MACROD2: variants seen among roughly 807,000 people sequenced by gnomAD.
The protein encoded by MACROD2 is mono-ADP ribosylhydrolase 2.
In MACROD2, 36 loss-of-function variants were observed where a neutral mutation model predicts 70.4. The observed-to-expected ratio is 0.51, with a 90% CI of 0.39 to 0.68. MACROD2 has a LOEUF of 0.68. MACROD2 is among the 30% of genes least tolerant of loss of function. The pLI, the probability that MACROD2 is intolerant of heterozygous loss-of-function variation, is 0.00. For synonymous variants in MACROD2, 172 were observed against 178.8 expected (o/e 0.96, Z 0.30); for missense variants, 496 against 538.4 (o/e 0.92, Z 0.78).
intron 9 of MACROD2, among the ~76,000 whole-genome samples, chr20:15,877,865 C>T (rs999157569): frequency 6.6e-6 from 1 of 152,080 alleles, no homozygotes; most frequent in Non-Finnish European, 1.5e-5. Flanking sequence ...GCAGGATTAT[C>T]GTAATTGTTC....
chr20:15,008,018 T>A (rs2075053566), intron 5 of MACROD2, among the ~76,000 whole-genome samples: 1 of 152,232 alleles, frequency 6.6e-6, no homozygotes, highest in South Asian at 2.1e-4. Context: ...AGGTGTGGGA[T>A]TGAAGCTGAG....
At chr20:15,908,109 G>C (rs1280932279) in intron 10 of MACROD2, among the ~76,000 whole-genome samples, 2 of 151,770 alleles carry the variant, frequency 1.3e-5, no homozygotes, top group African/African-American at 2.4e-5. Context: ...TAATAGCTAA[G>C]AGTTTTTTGC....
At chr20:15,526,926 T>C (rs939736037) in intron 8 of MACROD2, among the ~76,000 whole-genome samples, 1 of 152,212 alleles carries the variant, frequency 6.6e-6, no homozygotes, top group Non-Finnish European at 1.5e-5. Context: ...TTCATTTATG[T>C]TTTGTTTGTT....
intron 2 of MACROD2, among the ~76,000 whole-genome samples, chr20:14,035,015 A>G (rs2053290832): frequency 6.6e-6 from 1 of 152,126 alleles, no homozygotes; most frequent in Non-Finnish European, 1.5e-5. Context: ...CTTAACCATG[A>G]ATATGATCAT....
At chr20:15,998,719 C>T (rs62194204) in intron 15 of MACROD2, among the ~76,000 whole-genome samples, 11,382 of 151,860 alleles carry the variant, frequency 0.075, 581 homozygotes, top group Non-Finnish European at 0.1. Flanking sequence ...CACCCGCCAC[C>T]AAGCCTGGCT....
intron 4 of MACROD2, among the ~76,000 whole-genome samples, chr20:14,507,789 G>C (rs2084985848): frequency 2.0e-5 from 3 of 152,182 alleles, no homozygotes; most frequent in Admixed American, 2.0e-4. Flanking sequence ...GATACAGTTT[G>C]CTGATGCTGC....
At chr20:14,081,855 G>A (rs1490944150) in intron 2 of MACROD2, among the ~76,000 whole-genome samples, 1 of 152,124 alleles carries the variant, frequency 6.6e-6, no homozygotes, top group East Asian at 1.9e-4. Flanking sequence ...TACTATGTGA[G>A]GAATTGGGCT....
chr20:15,102,673 T>C lies in MACROD2; in HGVS notation c.419-127267T>C, dbSNP rs545526908. Among the ~76,000 whole-genome samples, 5 of 152,252 alleles carry C rather than the reference T, an allele frequency of 3.3e-5. No homozygotes were observed. In the East Asian group the frequency reaches 7.7e-4, roughly 24 times the overall value. ...GAACATGTACATTTATTTTAAAATGTATTGATTTCTGAGAATCATAGTCAA... is the reference window on the plus strand; with the variant it reads ...GAACATGTACATTTATTTTAAAATGCATTGATTTCTGAGAATCATAGTCAA... On this transcript the variant is annotated intron_variant, in intron 5 of 17. Transcript: ENST00000684519.
intron 13 of MACROD2, among the ~76,000 whole-genome samples, chr20:15,971,879 G>T (rs1026210106): frequency 3.3e-5 from 5 of 152,114 alleles, no homozygotes; most frequent in African/African-American, 1.2e-4. Context: ...CACAGGAAAA[G>T]AAAAGTTGAT....
At chr20:15,027,178 A>G (rs911440067) in intron 5 of MACROD2, among the ~76,000 whole-genome samples, 11 of 152,110 alleles carry the variant, frequency 7.2e-5, no homozygotes, top group African/African-American at 2.4e-4. Flanking sequence ...TTTCATCTTT[A>G]TATGTTTAAT....
intron 4 of MACROD2, among the ~76,000 whole-genome samples, chr20:14,558,119 C>T (rs1031106820): frequency 6.6e-6 from 1 of 151,686 alleles, no homozygotes; most frequent in African/African-American, 2.4e-5. Flanking sequence ...TAAAAGACTA[C>T]ATATTGTATG....
At chr20:15,813,926 T>G (rs2063846314) in intron 8 of MACROD2, among the ~76,000 whole-genome samples, 1 of 152,212 alleles carries the variant, frequency 6.6e-6, no homozygotes. Flanking sequence ...TTATTAAAAG[T>G]TTTTGTTTTT....
intron 7 of MACROD2, among the ~76,000 whole-genome samples, chr20:15,458,910 G>A (rs2046771168): frequency 6.6e-6 from 1 of 152,092 alleles, no homozygotes; most frequent in South Asian, 2.1e-4. Context: ...TGTGTGAGCA[G>A]TGGAGAGTCC....
chr20:14,138,769 ACACACACAC>A (rs1280177814), intron 3 of MACROD2, among the ~76,000 whole-genome samples: 6 of 7,688 alleles, frequency 7.8e-4, no homozygotes, highest in African/African-American at 1.9e-3. Flanking sequence ...TTTTCCACAC[ACACACACAC>A]ACACACACAC....
Position 15,545,079 on chromosome 20 carries a change from CAT to C in MACROD2, c.645+45233_645+45234del, listed in dbSNP as rs149683026. Among the ~76,000 whole-genome samples the C allele has an allele frequency of 1.9e-3, 286 of 152,308 alleles. 10 individuals carry two copies. In the East Asian group the frequency reaches 0.048, roughly 26 times the overall value. ...GCTTAACTCCATTTCACATCCCTGA[CAT>C]GTAGCACACACTGCAGTGACTGGGA... On this transcript the variant is annotated intron_variant, in intron 8 of 17. Transcript: ENST00000684519.
intron 8 of MACROD2, among the ~76,000 whole-genome samples, chr20:15,631,538 G>A (rs1296201825): frequency 2.6e-5 from 4 of 152,190 alleles, no homozygotes; most frequent in Non-Finnish European, 5.9e-5. Flanking sequence ...AAGCCTGGGA[G>A]TGAAGCATTT....
chr20:14,496,172 C>T (rs552587493), intron 4 of MACROD2, among the ~76,000 whole-genome samples: 25 of 152,216 alleles, frequency 1.6e-4, no homozygotes, highest in African/African-American at 5.8e-4. Context: ...TGATGTAATT[C>T]TCTTGGATTT....
intron 5 of MACROD2, among the ~76,000 whole-genome samples, chr20:15,126,170 A>C (rs1432467967): frequency 7.0e-6 from 1 of 143,654 alleles, no homozygotes; most frequent in Non-Finnish European, 1.5e-5. Flanking sequence ...ATTTGTGTAC[A>C]AGTTTTTGTA....
At chr20:14,909,321 A>G (rs2073997786) in intron 5 of MACROD2, among the ~76,000 whole-genome samples, 1 of 152,102 alleles carries the variant, frequency 6.6e-6, no homozygotes, top group African/African-American at 2.4e-5. Flanking sequence ...TAAGTGAAAG[A>G]ATGGAGAAGA....
Sources: allele counts gnomAD v4.1 joint callset (sites outside exome capture counted in the v4.1 genomes callset), GRCh38; gene constraint gnomAD v4.1.1; transcripts MANE v1.5; gene names NCBI Gene and HGNC (gene_info 2026-07-23, HGNC 2026-07-21).